AGBL4: variants seen among roughly 807,000 people sequenced by gnomAD.
AGBL4 encodes AGBL carboxypeptidase 4.
A neutral mutation model predicts 66.4 loss-of-function variants in AGBL4; 58 were observed. The ratio of observed to expected loss-of-function variants is 0.87; its 90% CI spans 0.71 to 1.09. The LOEUF (loss-of-function observed/expected upper bound fraction) is 1.09. AGBL4 is among the 50% of genes least tolerant of loss of function. The probability of loss-of-function intolerance (pLI) is 0.00; values close to 1 mark genes in which losing one functional copy is unlikely to be tolerated. For missense variants in AGBL4, 579 were observed against 631.0 expected (o/e 0.92, Z 0.88); for synonymous variants, 234 against 222.9 (o/e 1.05, Z -0.44).
At position 48,552,991 on chromosome 1, in the gene AGBL4, G is replaced by A. The variant is rs1215271844; in HGVS notation, c.1268-13253C>T. Among the ~76,000 whole-genome samples the A allele has an allele frequency of 2.0e-5, 3 of 151,862 alleles. No individual in the cohort carries two copies. The East Asian group carries it at 5.8e-4, about 29-fold the overall frequency. Reference sequence around the variant, plus strand: ...CGAGATGCCTCTCCCTTCTCTACTTGCCCAAGACTGCTGGTATTTATAGCT... The same window carrying A: ...CGAGATGCCTCTCCCTTCTCTACTTACCCAAGACTGCTGGTATTTATAGCT... On this transcript the variant is annotated intron_variant, in intron 11 of 13. Transcript: ENST00000371839.
At chr1:49,947,366 C>G (rs1295497402) in intron 1 of AGBL4, among the ~76,000 whole-genome samples, 1 of 152,022 alleles carries the variant, frequency 6.6e-6, no homozygotes, top group Non-Finnish European at 1.5e-5. Context: ...GGGTTTCACA[C>G]CAGGGATGCA....
At chr1:49,531,090 G>C (rs763509130) in intron 3 of AGBL4, among the ~76,000 whole-genome samples, 53 of 152,004 alleles carry the variant, frequency 3.5e-4, no homozygotes, top group Admixed American at 5.9e-4. Context: ...ATGTGGCTTA[G>C]TATTTTTATT....
At chr1:49,390,302 C>A (rs973952417) in intron 3 of AGBL4, among the ~76,000 whole-genome samples, 1 of 152,182 alleles carries the variant, frequency 6.6e-6, no homozygotes, top group Non-Finnish European at 1.5e-5. Flanking sequence ...GGTTTATCTT[C>A]TCTTACAGGA....
In AGBL4 at chr1:48,563,653, T is replaced by C. The variant is rs545967753; in HGVS notation, c.1267+23351A>G. On this transcript the variant is annotated intron_variant, in intron 11 of 13. Coordinates refer to ENST00000371839, the MANE Select transcript of AGBL4 (RefSeq NM_032785.4). Reference sequence around the variant, plus strand: ...ACAAACAGAAAGGGTGACTTACAGATAGATAGACAGACAATCAGGTAGGTA... The same window carrying C: ...ACAAACAGAAAGGGTGACTTACAGACAGATAGACAGACAATCAGGTAGGTA... 5.7e-5 allele frequency among the ~76,000 whole-genome samples: 3 copies of C among 52,328 alleles called. No individual in the cohort carries two copies. In the South Asian group the frequency reaches 2.0e-3, roughly 34 times the overall value. 34.3% of individuals were successfully genotyped at this position (52,328 alleles called of 152,430 possible). A position where few individuals can be genotyped will look rare whatever the true frequency, so the allele number is the denominator to read the frequency against.
chr1:48,690,833 C>T (rs1036663848), intron 6 of AGBL4, among the ~76,000 whole-genome samples: 2 of 152,048 alleles, frequency 1.3e-5, no homozygotes, highest in Non-Finnish European at 2.9e-5. Flanking sequence ...TAATAGCCCT[C>T]TTAAAAAAGT....
intron 1 of AGBL4, among the ~76,000 whole-genome samples, chr1:49,948,582 T>C (rs11205666): frequency 7.9e-6 from 1 of 126,914 alleles, no homozygotes; most frequent in South Asian, 2.3e-4. Context: ...TATATATATA[T>C]AGAGAGAGAG....
chr1:49,344,360 G>A (rs144434206), intron 3 of AGBL4, among the ~76,000 whole-genome samples: 31 of 152,270 alleles, frequency 2.0e-4, no homozygotes, highest in African/African-American at 7.2e-4. Context: ...TACATGTAAG[G>A]TGTATAAGGA....
At chr1:49,602,015 A>C (rs961713922) in intron 3 of AGBL4, among the ~76,000 whole-genome samples, 1 of 152,200 alleles carries the variant, frequency 6.6e-6, no homozygotes, top group African/African-American at 2.4e-5. Flanking sequence ...AGAAAAAAAC[A>C]ACCCCATCAA....
intron 2 of AGBL4, among the ~76,000 whole-genome samples, chr1:49,849,894 A>G (rs1404676675): frequency 2.6e-5 from 4 of 152,214 alleles, no homozygotes; most frequent in African/African-American, 9.6e-5. Flanking sequence ...ATTCCCACAG[A>G]GGTGTAATTA....
chr1:49,427,300 C>T (rs775950997), intron 3 of AGBL4, among the ~76,000 whole-genome samples: 5 of 151,678 alleles, frequency 3.3e-5, no homozygotes, highest in Middle Eastern at 3.4e-3. Context: ...GGCTAGGACC[C>T]GAGAGAGTTG....
chr1:49,022,544 G>A (rs1002367406), intron 5 of AGBL4, among the ~76,000 whole-genome samples: 1 of 151,896 alleles, frequency 6.6e-6, no homozygotes, highest in Non-Finnish European at 1.5e-5. Context: ...GACTTCTCTG[G>A]CTAATGGGGG....
intron 6 of AGBL4, among the ~76,000 whole-genome samples, chr1:48,800,186 C>T (rs543669085): frequency 1.4e-4 from 22 of 152,100 alleles, no homozygotes; most frequent in Admixed American, 9.2e-4. Flanking sequence ...CATTTGTTAT[C>T]GGTCTGTTCA....
At chr1:49,699,532 C>A (rs1340266317) in intron 2 of AGBL4, among the ~76,000 whole-genome samples, 1 of 151,796 alleles carries the variant, frequency 6.6e-6, no homozygotes, top group African/African-American at 2.4e-5. Flanking sequence ...AGATTTTATA[C>A]CCAAATATAT....
chr1:49,846,303 T>A (rs1246333511), intron 2 of AGBL4: 2 of 1,519,800 alleles, frequency 1.3e-6, no homozygotes, highest in Non-Finnish European at 1.8e-6. Context: ...CACTGGAGGA[T>A]CCACACAGGA....
In AGBL4 at chr1:48,681,891, C is replaced by T. The variant is rs371073786; in HGVS notation, c.635-18650G>A. Among the ~76,000 whole-genome samples, 6 of 152,314 alleles carry T rather than the reference C, an allele frequency of 3.9e-5. No homozygotes were observed. The East Asian group carries it at 1.2e-3, about 29-fold the overall frequency. On this transcript the variant is annotated intron_variant, in intron 6 of 13. Coordinates refer to ENST00000371839, the MANE Select transcript of AGBL4 (RefSeq NM_032785.4). ...AGTGTGTGATAGGCTGAACTGTGTC[C>T]TCTCCAAATTCATATGTGGAAGTCC...
chr1:49,367,891 C>A (rs575751893), intron 3 of AGBL4, among the ~76,000 whole-genome samples: 1 of 152,148 alleles, frequency 6.6e-6, no homozygotes, highest in Non-Finnish European at 1.5e-5. Flanking sequence ...AAAAGTAGAA[C>A]CCATCTACAT....
At position 49,546,196 on chromosome 1, in the gene AGBL4, G is replaced by A. The variant is rs367609862; in HGVS notation, c.282+151117C>T. On this transcript the variant is annotated intron_variant, in intron 3 of 13. Transcript: ENST00000371839. ...CCAATCTCATCTAACCCAGGTCACG[G>A]CAAATGCTGTTAATTCATCCCTTTT... 3.4e-4 allele frequency among the ~76,000 whole-genome samples: 51 copies of A among 152,118 alleles called. 1 individual carries two copies. The South Asian group carries it at 9.7e-3, about 29-fold the overall frequency.
intron 3 of AGBL4, among the ~76,000 whole-genome samples, chr1:49,571,676 G>C (rs1329177655): frequency 6.6e-6 from 1 of 152,014 alleles, no homozygotes; most frequent in South Asian, 2.1e-4. Flanking sequence ...CTTTAAACTT[G>C]TCCTCTTTCA....
chr1:48,941,479 C>A (rs1478935388), intron 5 of AGBL4, among the ~76,000 whole-genome samples: 1 of 152,138 alleles, frequency 6.6e-6, no homozygotes, highest in Non-Finnish European at 1.5e-5. Context: ...AGAAGTAGTT[C>A]CCAGGTAGAC....
Sources: gnomAD v4.1 joint callset for allele counts (sites outside exome capture counted in the v4.1 genomes callset) on GRCh38, gnomAD v4.1.1 for gene constraint, MANE v1.5 for transcripts, NCBI Gene and HGNC (gene_info 2026-07-23, HGNC 2026-07-21) for gene names.